ARHGAP12: variants seen among roughly 807,000 people sequenced by gnomAD.
ARHGAP12 encodes Rho GTPase activating protein 12.
In ARHGAP12, 64 loss-of-function variants were observed where a neutral mutation model predicts 108.6. The observed-to-expected ratio is 0.59, with a 90% CI of 0.48 to 0.73. The LOEUF (loss-of-function observed/expected upper bound fraction) is 0.73. Among genes scored for constraint, ARHGAP12 ranks in the 30% least tolerant of loss-of-function variants. The probability of loss-of-function intolerance (pLI) is 0.00; values close to 1 mark genes in which losing one functional copy is unlikely to be tolerated. For synonymous variants in ARHGAP12, 312 were observed against 337.2 expected, an observed-to-expected ratio of 0.93 and a Z score of 0.82; for missense variants, 940 against 1,005.9, an observed-to-expected ratio of 0.93 and a Z score of 0.89.
chr10:31,842,325 T>C (rs978642845), intron 7 of ARHGAP12, among the ~76,000 whole-genome samples: 1 of 152,076 alleles, frequency 6.6e-6, no homozygotes, highest in Non-Finnish European at 1.5e-5. Context: ...ATTAGAAATC[T>C]CTAGGTATTT....
At chr10:31,838,686 C>T (rs1836123545) in intron 9 of ARHGAP12, among the ~76,000 whole-genome samples, 1 of 151,866 alleles carries the variant, frequency 6.6e-6, no homozygotes, top group Non-Finnish European at 1.5e-5. Context: ...AAAAAATTAG[C>T]CAGGTGTTGT....
At chr10:31,866,167 A>G (rs923363809) in intron 3 of ARHGAP12, among the ~76,000 whole-genome samples, 2 of 152,224 alleles carry the variant, frequency 1.3e-5, no homozygotes, top group African/African-American at 2.4e-5. Flanking sequence ...GTCTACCAGG[A>G]AAGAATAGCA....
intron 9 of ARHGAP12, among the ~76,000 whole-genome samples, chr10:31,838,830 CAAA>C (rs34471173): frequency 6.6e-4 from 68 of 102,678 alleles, no homozygotes; most frequent in Admixed American, 1.2e-3. Context: ...GGCTCCATCT[CAAA>C]AAAAAAAAAA....
At chr10:31,872,295 TCAAA>T (rs1295844254) in intron 3 of ARHGAP12, among the ~76,000 whole-genome samples, 4 of 152,100 alleles carry the variant, frequency 2.6e-5, no homozygotes, top group African/African-American at 9.7e-5. Context: ...AATCTCTCCC[TCAAA>T]CACCCTCCTC....
intron 3 of ARHGAP12, among the ~76,000 whole-genome samples, chr10:31,867,277 G>A (rs185123317): frequency 6.6e-6 from 1 of 152,116 alleles, no homozygotes; most frequent in East Asian, 1.9e-4. Context: ...TTTTCAAAGT[G>A]TATGAGAAAA....
intron 3 of ARHGAP12, among the ~76,000 whole-genome samples, chr10:31,907,353 T>C (rs1307499822): frequency 6.6e-6 from 1 of 151,162 alleles, no homozygotes; most frequent in Non-Finnish European, 1.5e-5. Context: ...AAAAGCCAGG[T>C]ACAGTGGCAC....
chr10:31,901,684 A>G (rs2808061), intron 3 of ARHGAP12, among the ~76,000 whole-genome samples: 34,266 of 152,098 alleles, frequency 0.23, 4,026 homozygotes, highest in East Asian at 0.39. Context: ...TATTCTAGTT[A>G]ATGAAGTCAT....
intron 10 of ARHGAP12, among the ~76,000 whole-genome samples, chr10:31,830,737 C>A (rs1835800871): frequency 6.6e-6 from 1 of 152,100 alleles, no homozygotes; most frequent in South Asian, 2.1e-4. Flanking sequence ...AAAAATCCAA[C>A]AATCCAATAG....
At chr10:31,843,858 A>G (rs1030034586) in intron 6 of ARHGAP12, among the ~76,000 whole-genome samples, 2 of 152,218 alleles carry the variant, frequency 1.3e-5, no homozygotes, top group Admixed American at 6.5e-5. Flanking sequence ...TGTCAACTGT[A>G]AAGTGGATAT....
chr10:31,868,872 T>C (rs977271841), intron 3 of ARHGAP12, among the ~76,000 whole-genome samples: 3 of 151,954 alleles, frequency 2.0e-5, no homozygotes, highest in African/African-American at 7.3e-5. Flanking sequence ...AAGGCTGCAG[T>C]GAGCCACTGC....
At chr10:31,843,138 G>A (rs1316431831) in intron 7 of ARHGAP12, among the ~76,000 whole-genome samples, 1 of 152,074 alleles carries the variant, frequency 6.6e-6, no homozygotes, top group African/African-American at 2.4e-5. Flanking sequence ...GGGATCAAAT[G>A]TATCAAGGTA....
At chr10:31,830,402 T>C (rs1835790245) in intron 10 of ARHGAP12, among the ~76,000 whole-genome samples, 1 of 151,892 alleles carries the variant, frequency 6.6e-6, no homozygotes, top group South Asian at 2.1e-4. Flanking sequence ...AAGGCTACTA[T>C]CATAGGAAAA....
intron 6 of ARHGAP12, among the ~76,000 whole-genome samples, chr10:31,846,565 T>TA (rs1836465956): frequency 2.0e-5 from 3 of 152,222 alleles, no homozygotes; most frequent in Admixed American, 6.5e-5. Flanking sequence ...TGGCTTCTGA[T>TA]AAGGCACTCA....
intron 3 of ARHGAP12, among the ~76,000 whole-genome samples, chr10:31,869,352 C>T (rs987274067): frequency 6.6e-6 from 1 of 152,118 alleles, no homozygotes; most frequent in African/African-American, 2.4e-5. Flanking sequence ...GCCTGGCCAA[C>T]ATGCTGAAAC....
At chr10:31,854,347 T>C (rs1028782417) in intron 4 of ARHGAP12, 141 bp from the exon 5 acceptor site, 8 of 799,334 alleles carry the variant, frequency 1.0e-5, no homozygotes, top group Non-Finnish European at 5.6e-6. Context: ...TGAAAATAAA[T>C]TGATAAGTCT....
At chr10:31,865,838 G>C in intron 3 of ARHGAP12, among the ~76,000 whole-genome samples, 1 of 149,604 alleles carries the variant, frequency 6.7e-6, no homozygotes, top group Non-Finnish European at 1.5e-5. Context: ...AGACCGCGAC[G>C]CTGCACTCCA....
intron 1 of ARHGAP12, among the ~76,000 whole-genome samples, chr10:31,921,054 A>G (rs1592388511): frequency 1.3e-5 from 2 of 152,076 alleles, no homozygotes; most frequent in South Asian, 4.1e-4. Flanking sequence ...AGGTGGGAGG[A>G]TCACTTGAGG....
At chr10:31,861,332 G>A (rs2132307218) in intron 4 of ARHGAP12, 63 bp downstream of exon 4, 1 of 1,515,428 alleles carries the variant, frequency 6.6e-7, no homozygotes, top group East Asian at 2.3e-5. Context: ...TTACTTCTTT[G>A]GTTTCTGAAT....
At chr10:31,918,551 T>TA (rs1839661301) in intron 1 of ARHGAP12, among the ~76,000 whole-genome samples, 1 of 151,950 alleles carries the variant, frequency 6.6e-6, no homozygotes, top group South Asian at 2.1e-4. Context: ...AACAAAAATT[T>TA]AAAAAATAGC....
Sources: gnomAD v4.1 joint callset for allele counts (sites outside exome capture counted in the v4.1 genomes callset) on GRCh38, gnomAD v4.1.1 for gene constraint, MANE v1.5 for transcripts, NCBI Gene and HGNC (gene_info 2026-07-23, HGNC 2026-07-21) for gene names.